CBX6: variants seen among roughly 807,000 people sequenced by gnomAD.
The protein encoded by CBX6 is chromobox protein homolog 6.
Under a neutral mutation model 28.4 loss-of-function variants are expected in CBX6, and 7 were observed. That is an observed-to-expected ratio of 0.25 (90% confidence interval 0.14 to 0.46). The LOEUF is 0.46. Ranked by LOEUF, CBX6 falls within the 20% of genes least tolerant of loss-of-function variation. The probability of loss-of-function intolerance (pLI) is 0.99; values close to 1 mark genes in which losing one functional copy is unlikely to be tolerated. For synonymous variants in CBX6, 297 were observed against 273.4 expected (o/e 1.09, Z -0.85); for missense variants, 512 against 606.1 (o/e 0.84, Z 1.63).
Position 38,872,194 on chromosome 22 carries a change from G to T in CBX6, c.-4C>A. The T allele has an allele frequency of 1.4e-6, 2 of 1,395,944 alleles. No individual in the cohort carries two copies. The highest frequency in any genetic ancestry group is 1.9e-6 in the Non-Finnish European group (2 of 1,055,692). 86.5% of individuals were successfully genotyped at this position (1,395,944 alleles called of 1,614,324 possible). A position where few individuals can be genotyped will look rare whatever the true frequency, so the allele number is the denominator to read the frequency against. On this transcript the variant is annotated 5_prime_UTR_variant, in exon 1 of 5. Coordinates refer to ENST00000407418, the MANE Select transcript of CBX6 (RefSeq NM_014292.5). The surrounding 1 kb of genome is among the most constrained non-coding windows in gnomAD (Gnocchi z 5.0). ...CGCCCACTGCAGACAGCTCCATCTT[G>T]CTCAGCGGCACCCACAGCCCATAAT... is the stretch of plus-strand genomic sequence containing the variant.
Position 38,871,207 on chromosome 22 carries a change from C to T in CBX6, c.246+273G>A. The T allele has an allele frequency of 1.8e-6, 1 of 548,794 alleles. No individual in the cohort carries two copies. The highest frequency in any genetic ancestry group is 2.1e-5 in the South Asian group (1 of 46,680). 34.0% of individuals were successfully genotyped at this position (548,794 alleles called of 1,614,324 possible). A position where few individuals can be genotyped will look rare whatever the true frequency, so the allele number is the denominator to read the frequency against. On this transcript the variant is annotated intron_variant, in intron 4 of 4. Transcript: ENST00000407418. This position sits in a 1 kb window ranked among gnomAD's most constrained non-coding sequence, Gnocchi z 5.6. ...ATCCCCCACCTGCCTCAGCCACCCC[C>T]TTTCCTGGAGCCCTAAAGGCATCCC...
chr22:38,867,088 C>T lies in CBX6; in HGVS notation c.360G>A (p.Lys120=). 2 of 1,599,702 alleles carry T rather than the reference C, an allele frequency of 1.3e-6. No homozygotes were observed. Among genetic ancestry groups the T allele is most frequent in the Non-Finnish European group, 1.7e-6 (2 of 1,175,132 alleles). The change falls in exon 5 of 5, where the codon AAG becomes AAA. Residue 120 remains lysine (K), a synonymous_variant. Coordinates refer to ENST00000407418, the MANE Select transcript of CBX6 (RefSeq NM_014292.5). Reference sequence around the variant, plus strand: ...TACGGTGGCAGCGGCGGATGTCCTTCTTGAGCCGGTGCACGGCTGCGCTGG... The same window carrying T: ...TACGGTGGCAGCGGCGGATGTCCTTTTTGAGCCGGTGCACGGCTGCGCTGG... ...LHSSAAVHRL[K]KDIRRCHRMS...
chr22:38,866,133 C>T lies in CBX6; in HGVS notation c.*76G>A. 2 of 1,061,058 alleles carry T rather than the reference C, an allele frequency of 1.9e-6. No individual in the cohort carries two copies. Among genetic ancestry groups the T allele is most frequent in the South Asian group, 1.5e-5 (1 of 64,992 alleles). The allele number at this position is 1,061,058 out of a possible 1,614,324, so 65.7% of individuals were successfully genotyped here. A position where few individuals can be genotyped will look rare whatever the true frequency, so the allele number is the denominator to read the frequency against. On this transcript the variant is annotated 3_prime_UTR_variant, in exon 5 of 5. Transcript: ENST00000407418. The surrounding 1 kb of genome is among the most constrained non-coding windows in gnomAD (Gnocchi z 7.5). ...AAGCACAGGGAGAGAGGGCTGGGGG[C>T]AAGGGTGGGGTGGGAGCAAGAGTAT...
Position 38,871,958 on chromosome 22 carries a change from G to A in CBX6, c.70-13C>T, listed in dbSNP as rs1237174477. ...ACTCGATGCGTCCCTGAAAAACAGAGGGGAGAAAAACGGGGGTGGGGGTGG... is the reference window on the plus strand; with the variant it reads ...ACTCGATGCGTCCCTGAAAAACAGAAGGGAGAAAAACGGGGGTGGGGGTGG... On this transcript the variant is annotated splice_polypyrimidine_tract_variant and intron_variant, in intron 1 of 4. Coordinates refer to ENST00000407418, the MANE Select transcript of CBX6 (RefSeq NM_014292.5). The surrounding 1 kb of genome is among the most constrained non-coding windows in gnomAD (Gnocchi z 5.6). The A allele has an allele frequency of 5.2e-6, 8 of 1,530,024 alleles. No homozygotes were observed. Among genetic ancestry groups the A allele is most frequent in the Non-Finnish European group, 7.0e-6 (8 of 1,138,202 alleles). 94.8% of individuals were successfully genotyped at this position (1,530,024 alleles called of 1,614,324 possible). A position where few individuals can be genotyped will look rare whatever the true frequency, so the allele number is the denominator to read the frequency against.
chr22:38,872,098 G>A lies in CBX6; in HGVS notation c.69+24C>T. Reference sequence around the variant, plus strand: ...CCCGGCCCCGGCTGCGGACAGCGGCGGCCCGCCCCGGGCGGCGGCTCACCT... The same window carrying A: ...CCCGGCCCCGGCTGCGGACAGCGGCAGCCCGCCCCGGGCGGCGGCTCACCT... On this transcript the variant is annotated intron_variant, in intron 1 of 4. Transcript: ENST00000407418. The surrounding 1 kb of genome is among the most constrained non-coding windows in gnomAD (Gnocchi z 5.0). The A allele has an allele frequency of 7.4e-7, 1 of 1,359,518 alleles. No individual in the cohort carries two copies. Among genetic ancestry groups the A allele is most frequent in the Non-Finnish European group, 9.6e-7 (1 of 1,044,354 alleles). 84.2% of individuals were successfully genotyped at this position (1,359,518 alleles called of 1,614,324 possible). A position where few individuals can be genotyped will look rare whatever the true frequency, so the allele number is the denominator to read the frequency against.
chr22:38,871,872 C>T lies in CBX6; in HGVS notation c.113+30G>A. 1 of 1,537,460 alleles carries T rather than the reference C, an allele frequency of 6.5e-7. No homozygotes were observed. Among genetic ancestry groups the T allele is most frequent in the Non-Finnish European group, 8.8e-7 (1 of 1,139,036 alleles). ...CCCCGGTGCCCGCTGCCTCCCCTCC[C>T]GCGACGCCCCCGGACCCCGCGACAC... is the stretch of plus-strand genomic sequence containing the variant. On this transcript the variant is annotated intron_variant, in intron 2 of 4. Coordinates refer to ENST00000407418, the MANE Select transcript of CBX6 (RefSeq NM_014292.5). The surrounding 1 kb of genome is among the most constrained non-coding windows in gnomAD (Gnocchi z 5.6).
rs2093179279 is a variant in CBX6, at chr22:38,870,373, C to T, written c.246+1107G>A. The T allele has an allele frequency of 6.6e-6, 1 of 152,250 alleles. No homozygotes were observed. Among genetic ancestry groups the T allele is most frequent in the Non-Finnish European group, 1.5e-5 (1 of 68,082 alleles). 9.4% of individuals were successfully genotyped at this position (152,250 alleles called of 1,614,324 possible). On this transcript the variant is annotated intron_variant, in intron 4 of 4. Coordinates refer to ENST00000407418, the MANE Select transcript of CBX6 (RefSeq NM_014292.5). The surrounding 1 kb of genome is among the most constrained non-coding windows in gnomAD (Gnocchi z 4.3). ...CAAGAAAAAAAGGCGTTCTGTGTAT[C>T]AATGCTCATGGTCATACTCGCTTCG... is the stretch of plus-strand genomic sequence containing the variant.
Position 38,865,462 on chromosome 22 carries a change from G to A in CBX6, c.*747C>T, listed in dbSNP as rs971788555. On this transcript the variant is annotated 3_prime_UTR_variant, in exon 5 of 5. Coordinates refer to ENST00000407418, the MANE Select transcript of CBX6 (RefSeq NM_014292.5). ...ACCCACGGACAAACACAGCGAGTGG[G>A]GCAGACGCACAACTGGAAGTTTCCA... 1 of 152,792 alleles carries A rather than the reference G, an allele frequency of 6.5e-6. No homozygotes were observed. Among genetic ancestry groups the A allele is most frequent in the Admixed American group, 6.5e-5 (1 of 15,292 alleles). 9.5% of individuals were successfully genotyped at this position (152,792 alleles called of 1,614,324 possible).
In CBX6 at chr22:38,871,390, GC is replaced by G; in HGVS notation, c.246+89del. On this transcript the variant is annotated intron_variant, in intron 4 of 4. Transcript: ENST00000407418. The surrounding 1 kb of genome is among the most constrained non-coding windows in gnomAD (Gnocchi z 5.6). ...CTGAAAAGGCCGGCCCGCTTGGGCG[GC>G]CGCGTATCTGTCCCTCCCTTCCAGG... is the stretch of plus-strand genomic sequence containing the variant. 7.4e-7 allele frequency: 1 copy of G among 1,346,466 alleles called. No individual in the cohort carries two copies. The highest frequency in any genetic ancestry group is 1.3e-5 in the South Asian group (1 of 74,394). 83.4% of individuals were successfully genotyped at this position (1,346,466 alleles called of 1,614,324 possible). A position where few individuals can be genotyped will look rare whatever the true frequency, so the allele number is the denominator to read the frequency against.
Position 38,871,416 on chromosome 22 carries a change from GC to G in CBX6, c.246+63del. The G allele has an allele frequency of 6.7e-7, 1 of 1,496,844 alleles. No individual in the cohort carries two copies. The highest frequency in any genetic ancestry group is 2.3e-5 in the East Asian group (1 of 44,072). The allele number at this position is 1,496,844 out of a possible 1,614,324, so 92.7% of individuals were successfully genotyped here. On this transcript the variant is annotated intron_variant, in intron 4 of 4. Transcript: ENST00000407418. The surrounding 1 kb of genome is among the most constrained non-coding windows in gnomAD (Gnocchi z 5.6). ...CCGCGTATCTGTCCCTCCCTTCCAGGCCCCGTGCTGTGCCGGGGCTGGGGGC... is the reference window on the plus strand; with the variant it reads ...CCGCGTATCTGTCCCTCCCTTCCAGGCCCGTGCTGTGCCGGGGCTGGGGGC...
At position 38,867,029 on chromosome 22, in the gene CBX6, T is replaced by A. The variant is rs1568995939; in HGVS notation, c.419A>T (p.Gln140Leu). 1.2e-6 allele frequency: 2 copies of A among 1,605,078 alleles called. No homozygotes were observed. The highest frequency in any genetic ancestry group is 1.7e-6 in the Non-Finnish European group (2 of 1,176,988). ...SRRPLPRPDPQGGSPGLRPPI... is the reference protein window; with the variant it reads ...SRRPLPRPDPLGGSPGLRPPI... ...CGGGCGCAGTCCGGGGCTGCCCCCCTGCGGGTCCGGGCGGGGCAGGGGACG... is the reference window on the plus strand; with the variant it reads ...CGGGCGCAGTCCGGGGCTGCCCCCCAGCGGGTCCGGGCGGGGCAGGGGACG... The change falls in exon 5 of 5, where the codon CAG becomes CTG. Residue 140 changes from glutamine to leucine, a missense_variant. Gln to Leu is a moderately radical substitution (Grantham distance 113, BLOSUM62 -2). Transcript: ENST00000407418.
chr22:38,872,179 A>G lies in CBX6; in HGVS notation c.12T>C (p.Ser4=). The change falls in exon 1 of 5, where the codon TCT becomes TCC. Residue 4 remains serine, a synonymous_variant. Coordinates refer to ENST00000407418, the MANE Select transcript of CBX6 (RefSeq NM_014292.5). The surrounding 1 kb of genome is among the most constrained non-coding windows in gnomAD (Gnocchi z 5.0). MEL[S]AVGERVFAAE... ...CCGCGAAGACCCGCTCGCCCACTGCAGACAGCTCCATCTTGCTCAGCGGCA... is the reference window on the plus strand; with the variant it reads ...CCGCGAAGACCCGCTCGCCCACTGCGGACAGCTCCATCTTGCTCAGCGGCA... 2 of 1,414,272 alleles carry G rather than the reference A, an allele frequency of 1.4e-6. No individual in the cohort carries two copies. Among genetic ancestry groups the G allele is most frequent in the Non-Finnish European group, 1.9e-6 (2 of 1,066,160 alleles). The allele number at this position is 1,414,272 out of a possible 1,614,324, so 87.6% of individuals were successfully genotyped here. A position where few individuals can be genotyped will look rare whatever the true frequency, so the allele number is the denominator to read the frequency against.
In CBX6 at chr22:38,862,468, G is replaced by A. The variant is rs1299121202; in HGVS notation, c.*3741C>T. The A allele has an allele frequency of 3.6e-5, 5 of 137,054 alleles. No homozygotes were observed. The highest frequency in any genetic ancestry group is 3.0e-5 in the Non-Finnish European group (2 of 66,148). The allele number at this position is 137,054 out of a possible 1,614,324, so 8.5% of individuals were successfully genotyped here. A position where few individuals can be genotyped will look rare whatever the true frequency, so the allele number is the denominator to read the frequency against. On this transcript the variant is annotated 3_prime_UTR_variant, in exon 5 of 5. Transcript: ENST00000407418. ...GCCTTGGGCAAGTGCATGGGAGCCC[G>A]GAAGTGGAACTGACCAGGTGGGGCT...
At chr22:38,867,682 C>G (rs1370866514) in intron 4 of CBX6, among the ~76,000 whole-genome samples, 1 of 152,238 alleles carries the variant, frequency 6.6e-6, no homozygotes, top group African/African-American at 2.4e-5. Context: ...CCCTGCTCCC[C>G]CGCACCAAGT....
At position 38,865,867 on chromosome 22, in the gene CBX6, G is replaced by C. The variant is rs1046197990; in HGVS notation, c.*342C>G. On this transcript the variant is annotated 3_prime_UTR_variant, in exon 5 of 5. Coordinates refer to ENST00000407418, the MANE Select transcript of CBX6 (RefSeq NM_014292.5). Reference sequence around the variant, plus strand: ...GCCCCACAGCTGCCAGGTTAGCACCGAGAAATCAGACGCCGCACAGGAGAG... The same window carrying C: ...GCCCCACAGCTGCCAGGTTAGCACCCAGAAATCAGACGCCGCACAGGAGAG... 1 of 284,704 alleles carries C rather than the reference G, an allele frequency of 3.5e-6. No homozygotes were observed. The allele number at this position is 284,704 out of a possible 1,614,324, so 17.6% of individuals were successfully genotyped here.
rs1045944119 is a variant in CBX6, at chr22:38,870,685, G to C, written c.246+795C>G. ...ATCCGTAGCACTACAGGAAGACAGGGGGCCCACTGAGTCCCACCTGCAGCC... is the reference window on the plus strand; with the variant it reads ...ATCCGTAGCACTACAGGAAGACAGGCGGCCCACTGAGTCCCACCTGCAGCC... On this transcript the variant is annotated intron_variant, in intron 4 of 4. Transcript: ENST00000407418. This position sits in a 1 kb window ranked among gnomAD's most constrained non-coding sequence, Gnocchi z 4.3. 6.6e-6 allele frequency: 1 copy of C among 152,260 alleles called. No homozygotes were observed. The highest frequency in any genetic ancestry group is 6.5e-5 in the Admixed American group (1 of 15,292). 9.4% of individuals were successfully genotyped at this position (152,260 alleles called of 1,614,324 possible).
In CBX6 at chr22:38,871,614, C is replaced by A. The variant is rs2093182513; in HGVS notation, c.180-68G>T. On this transcript the variant is annotated intron_variant, in intron 3 of 4. Transcript: ENST00000407418. The surrounding 1 kb of genome is among the most constrained non-coding windows in gnomAD (Gnocchi z 5.6). The stretch of plus-strand genomic sequence containing the variant: ...GGGCCCCACTCCGCGCTGCCCTCCC[C>A]GGCTCTCCCGCTTCCCCGCGCGGCG... 6.2e-7 allele frequency: 1 copy of A among 1,610,724 alleles called. No homozygotes were observed. Among genetic ancestry groups the A allele is most frequent in the Non-Finnish European group, 8.5e-7 (1 of 1,177,890 alleles).
rs5757313 is a variant in CBX6 at position 38,861,598 on chromosome 22, C to T, written c.*4611G>A. On this transcript the variant is annotated 3_prime_UTR_variant, in exon 5 of 5. Transcript: ENST00000407418. Reference sequence around the variant, plus strand: ...TAATCGGCACAGACCCACCCCTCCCCCGGAACCGCCGAATCCAGAATGGAG... The same window carrying T: ...TAATCGGCACAGACCCACCCCTCCCTCGGAACCGCCGAATCCAGAATGGAG... The T allele has an allele frequency of 8.7e-4, 132 of 152,360 alleles. 2 individuals carry two copies. The East Asian group carries it at 0.02, about 23-fold the overall frequency. 9.4% of individuals were successfully genotyped at this position (152,360 alleles called of 1,614,324 possible).
intron 4 of CBX6, among the ~76,000 whole-genome samples, chr22:38,868,219 G>A (rs1230079666): frequency 6.6e-6 from 1 of 152,232 alleles, no homozygotes; most frequent in African/African-American, 2.4e-5. Flanking sequence ...AGGTACTGAG[G>A]CACCAGGCAC....
Sources: gnomAD v4.1 joint callset for allele counts (sites outside exome capture counted in the v4.1 genomes callset) on GRCh38, gnomAD v4.1.1 for gene constraint, Gnocchi (gnomAD v3.1) non-coding constraint, MANE v1.5 for transcripts, NCBI Gene and HGNC (gene_info 2026-07-23, HGNC 2026-07-21) for gene names.